Variants in LYPLA1 observed in about 807,000 individuals in gnomAD.
LYPLA1 encodes lysophospholipase 1.
In LYPLA1, 17 loss-of-function variants were observed where a neutral mutation model predicts 34.0. The observed-to-expected ratio is 0.50, with a 90% CI of 0.34 to 0.75. The LOEUF is 0.75. Among genes scored for constraint, LYPLA1 ranks in the 30% least tolerant of loss-of-function variants. LYPLA1 has a pLI of 0.01. For synonymous variants in LYPLA1, 98 were observed against 100.8 expected (o/e 0.97, Z 0.17); for missense variants, 203 against 288.8 (o/e 0.70, Z 2.15).
intron 5 of LYPLA1, among the ~76,000 whole-genome samples, chr8:54,058,562 A>C (rs909359874): frequency 3.3e-5 from 5 of 151,878 alleles, no homozygotes; most frequent in African/African-American, 9.7e-5. Flanking sequence ...ACAAAAAAAA[A>C]CCAGAATAAA....
At chr8:54,079,020 C>A (rs567587992) in intron 2 of LYPLA1, among the ~76,000 whole-genome samples, 1 of 152,156 alleles carries the variant, frequency 6.6e-6, no homozygotes, top group African/African-American at 2.4e-5. Context: ...CAGTTTTGCT[C>A]TGTCGTCCAG....
chr8:54,101,755 CG>C lies in LYPLA1; in HGVS notation c.68del (p.Ala23GlyfsTer2). The C allele has an allele frequency of 7.7e-7, 1 of 1,303,646 alleles. No individual in the cohort carries two copies. The highest frequency in any genetic ancestry group is 9.8e-7 in the Non-Finnish European group (1 of 1,017,856). 80.8% of individuals were successfully genotyped at this position (1,303,646 alleles called of 1,614,324 possible). ...IVPAARKATA[A>X]VIFLHGLGDT... ...CCGAGCCCACGCCTACGCCACTCAC[CG>C]CAGCGGTGGCCTTCCGGGCGGCGGG... On this transcript the variant is annotated frameshift_variant and splice_region_variant, in exon 1 of 9. Transcript: ENST00000316963. LOFTEE classifies it high-confidence loss of function.
chr8:54,064,100 T>C (rs1219735323), intron 3 of LYPLA1, among the ~76,000 whole-genome samples: 2 of 124,860 alleles, frequency 1.6e-5, no homozygotes, highest in Non-Finnish European at 3.2e-5. Context: ...GGGGCAAATA[T>C]CAATATCCAT....
At position 54,095,118 on chromosome 8, in the gene LYPLA1, T is replaced by A. The variant is rs80206946; in HGVS notation, c.101+5790A>T. Reference sequence around the variant, plus strand: ...ATCTTGGCTCACTGCAACCTCCAGCTCCCAAGTAGATGGGACAACAGGCAT... The same window carrying A: ...ATCTTGGCTCACTGCAACCTCCAGCACCCAAGTAGATGGGACAACAGGCAT... On this transcript the variant is annotated intron_variant, in intron 2 of 8. Transcript: ENST00000316963. 2.8e-4 allele frequency among the ~76,000 whole-genome samples: 42 copies of A among 151,952 alleles called. No individual in the cohort carries two copies. In the East Asian group the frequency reaches 7.6e-3, roughly 27 times the overall value.
chr8:54,045,022 G>A (rs1171741219), downstream of LYPLA1: 2 of 152,164 alleles, frequency 1.3e-5, no homozygotes, highest in African/African-American at 4.8e-5. Context: ...GGGGCACAGA[G>A]CAAGGTTATA....
intron 2 of LYPLA1, among the ~76,000 whole-genome samples, chr8:54,085,010 CTCTCCCTCTCCCTCTTTGCACAG>C (rs1312348594): frequency 1.3e-5 from 2 of 152,102 alleles, no homozygotes; most frequent in East Asian, 1.9e-4. Flanking sequence ...CTTCCTCTCC[CTCTCCCTCTCCCTCTTTGCACAG>C]TCTCCCTCTG....
chr8:54,077,267 C>G (rs1396012690), intron 2 of LYPLA1, among the ~76,000 whole-genome samples: 1 of 152,084 alleles, frequency 6.6e-6, no homozygotes, highest in Non-Finnish European at 1.5e-5. Flanking sequence ...CACATGTTCT[C>G]ACTTGTAAGT....
Position 54,073,229 on chromosome 8 carries a change from GTAAGGAAC to G in LYPLA1, c.102-7424_102-7417del, listed in dbSNP as rs1807627209. ...GTGCCGCCCAGGGAGATACAGGACA[GTAAGGAAC>G]TAAACAGAACCTGCTGTCTGAATGG... is the stretch of plus-strand genomic sequence containing the variant. On this transcript the variant is annotated intron_variant, in intron 2 of 8. Coordinates refer to ENST00000316963, the MANE Select transcript of LYPLA1 (RefSeq NM_006330.4). 1.7e-5 allele frequency: 14 copies of G among 836,090 alleles called. No individual in the cohort carries two copies. The Admixed American group carries it at 2.1e-4, about 12-fold the overall frequency. 51.8% of individuals were successfully genotyped at this position (836,090 alleles called of 1,614,324 possible). A position where few individuals can be genotyped will look rare whatever the true frequency, so the allele number is the denominator to read the frequency against.
chr8:54,072,039 C>T (rs1302460170), intron 2 of LYPLA1, among the ~76,000 whole-genome samples: 7 of 152,068 alleles, frequency 4.6e-5, no homozygotes. Flanking sequence ...AAAACAGACA[C>T]ATAGACCAAT....
Position 54,057,540 on chromosome 8 carries a change from G to T in LYPLA1, c.287-2407C>A, listed in dbSNP as rs530357912. On this transcript the variant is annotated intron_variant, in intron 5 of 8. Transcript: ENST00000316963. ...CACAAGTGGAACTGGAGATCATTAT[G>T]TTAAGGGAAATAAGCCAGACACAGA... 9.8e-5 allele frequency among the ~76,000 whole-genome samples: 15 copies of T among 152,298 alleles called. No individual in the cohort carries two copies. The East Asian group carries it at 2.9e-3, about 29-fold the overall frequency.
chr8:54,047,265 A>G lies in LYPLA1; in HGVS notation c.*800T>C, dbSNP rs1415835868. ...TGAAGTTTTAATGTCTGGTTTCTCT[A>G]TAAAGCATAAATAGATTTTAAATAC... is the stretch of plus-strand genomic sequence containing the variant. On this transcript the variant is annotated 3_prime_UTR_variant, in exon 9 of 9. Coordinates refer to ENST00000316963, the MANE Select transcript of LYPLA1 (RefSeq NM_006330.4). 1 of 152,208 alleles carries G rather than the reference A, an allele frequency of 6.6e-6. No individual in the cohort carries two copies. Among genetic ancestry groups the G allele is most frequent in the East Asian group, 1.9e-4 (1 of 5,204 alleles). 9.4% of individuals were successfully genotyped at this position (152,208 alleles called of 1,614,324 possible).
chr8:54,086,437 TTA>T (rs1808775002), intron 2 of LYPLA1, among the ~76,000 whole-genome samples: 3 of 32,734 alleles, frequency 9.2e-5, no homozygotes, highest in African/African-American at 4.4e-4. Flanking sequence ...ACTAAAAAAA[TTA>T]AAAAAAAAAA....
At chr8:54,077,161 T>TA (rs1216254826) in intron 2 of LYPLA1, among the ~76,000 whole-genome samples, 6 of 151,694 alleles carry the variant, frequency 4.0e-5, no homozygotes, top group African/African-American at 1.2e-4. Context: ...ATGCAGCCAT[T>TA]AAAAAAAGAA....
chr8:54,069,570 T>A (rs900627391), intron 2 of LYPLA1, among the ~76,000 whole-genome samples: 2 of 151,978 alleles, frequency 1.3e-5, no homozygotes, highest in South Asian at 4.2e-4. Context: ...GAAAATTAGC[T>A]GGGCGTGGTG....
At position 54,093,857 on chromosome 8, in the gene LYPLA1, T is replaced by G. The variant is rs181130162; in HGVS notation, c.101+7051A>C. On this transcript the variant is annotated intron_variant, in intron 2 of 8. Transcript: ENST00000316963. ...TTAATGAAAGTTTATTAAAGAAACCTTTGCCTTCATGGACTTTATATGCCA... is the reference window on the plus strand; with the variant it reads ...TTAATGAAAGTTTATTAAAGAAACCGTTGCCTTCATGGACTTTATATGCCA... 5.3e-5 allele frequency among the ~76,000 whole-genome samples: 8 copies of G among 152,352 alleles called. No homozygotes were observed. The South Asian group carries it at 1.4e-3, about 28-fold the overall frequency.
rs1233830693 is a variant in LYPLA1, at chr8:54,051,202, A to G, written c.463-14T>C. The G allele has an allele frequency of 1.3e-6, 2 of 1,579,852 alleles. No individual in the cohort carries two copies. The highest frequency in any genetic ancestry group is 4.5e-5 in the East Asian group (2 of 44,292). On this transcript the variant is annotated splice_polypyrimidine_tract_variant and intron_variant, in intron 7 of 8. Coordinates refer to ENST00000316963, the MANE Select transcript of LYPLA1 (RefSeq NM_006330.4). ...ACCGATAGGACCCTGCAAAAAGCAA[A>G]AGAAGAAATAGTTTTATTTTTGTAA... is the stretch of plus-strand genomic sequence containing the variant.
chr8:54,054,859 C>T, intron 6 of LYPLA1: 1 of 473,440 alleles, frequency 2.1e-6, no homozygotes, highest in Non-Finnish European at 3.7e-6. Flanking sequence ...AATTTAATTA[C>T]ATGTGTACAT....
rs766912599 is a variant in LYPLA1 at position 54,063,379 on chromosome 8, C to T, written c.168-4G>A. ...TAATGTAACAGGCCTAACAGGCCTA[C>T]ATGGAAAAGAAAAAACAACAAAATC... On this transcript the variant is annotated splice_polypyrimidine_tract_variant and splice_region_variant and intron_variant, in intron 3 of 8. Coordinates refer to ENST00000316963, the MANE Select transcript of LYPLA1 (RefSeq NM_006330.4). 3 of 1,526,172 alleles carry T rather than the reference C, an allele frequency of 2.0e-6. No homozygotes were observed. The highest frequency in any genetic ancestry group is 2.6e-6 in the Non-Finnish European group (3 of 1,132,466). 94.5% of individuals were successfully genotyped at this position (1,526,172 alleles called of 1,614,324 possible). A position where few individuals can be genotyped will look rare whatever the true frequency, so the allele number is the denominator to read the frequency against.
intron 3 of LYPLA1, among the ~76,000 whole-genome samples, chr8:54,064,564 A>T (rs754588457): frequency 6.6e-6 from 1 of 152,244 alleles, no homozygotes; most frequent in Non-Finnish European, 1.5e-5. Context: ...ATGTTTTCTT[A>T]TCCAATCTTC....
Sources: allele counts gnomAD v4.1 joint callset (sites outside exome capture counted in the v4.1 genomes callset), GRCh38; gene constraint gnomAD v4.1.1; transcripts MANE v1.5; gene names NCBI Gene and HGNC (gene_info 2026-07-23, HGNC 2026-07-21).